The following CRACD variants were observed in gnomAD, a reference collection of about 807,000 sequenced individuals.
CRACD encodes capping protein-inhibiting regulator of actin dynamics.
In CRACD, 56 loss-of-function variants were observed where a neutral mutation model predicts 106.8. The observed-to-expected ratio is 0.52, with a 90% CI of 0.42 to 0.66. CRACD has a LOEUF of 0.66. Ranked by LOEUF, CRACD falls within the 30% of genes least tolerant of loss-of-function variation. The pLI, the probability that CRACD is intolerant of heterozygous loss-of-function variation, is 0.00. For missense variants in CRACD, 1,730 were observed against 1,623.2 expected (o/e 1.07, Z -1.13); for synonymous variants, 754 against 670.8 (o/e 1.12, Z -1.92).
chr4:56,324,444 A>G (rs1746302749), intron 10 of CRACD, among the ~76,000 whole-genome samples, 178 bp downstream of exon 10: 1 of 152,244 alleles, frequency 6.6e-6, no homozygotes, highest in South Asian at 2.1e-4. Flanking sequence ...AAAGACCACC[A>G]GGAGCTCACC....
chr4:56,054,299 G>T (rs1333042619), intron 1 of CRACD, among the ~76,000 whole-genome samples: 2 of 152,074 alleles, frequency 1.3e-5, no homozygotes, highest in Non-Finnish European at 2.9e-5. Context: ...TCCTAGCTCA[G>T]CCTCCTGAAT....
At chr4:56,261,556 G>C (rs1464969669) in intron 2 of CRACD, among the ~76,000 whole-genome samples, 2 of 151,884 alleles carry the variant, frequency 1.3e-5, no homozygotes, top group Non-Finnish European at 2.9e-5. Flanking sequence ...TACTATGTTG[G>C]CCAGGCTGGT....
chr4:56,094,423 T>A (rs1248446391), intron 1 of CRACD, among the ~76,000 whole-genome samples: 2 of 136,714 alleles, frequency 1.5e-5, no homozygotes, highest in Non-Finnish European at 3.0e-5. Context: ...TATAGATTCT[T>A]TTTTTTTTTT....
At chr4:56,120,730 C>T (rs1734456927) in intron 1 of CRACD, among the ~76,000 whole-genome samples, 1 of 152,180 alleles carries the variant, frequency 6.6e-6, no homozygotes, top group African/African-American at 2.4e-5. Flanking sequence ...CCCATAGTAA[C>T]TAGCAGAATG....
At chr4:56,171,278 G>A (rs1736352398) in intron 1 of CRACD, among the ~76,000 whole-genome samples, 2 of 149,898 alleles carry the variant, frequency 1.3e-5, no homozygotes, top group Non-Finnish European at 3.0e-5. Context: ...AAAAAAAAAA[G>A]AAAGACTATG....
intron 2 of CRACD, among the ~76,000 whole-genome samples, chr4:56,261,113 T>C (rs1002261187): frequency 6.6e-6 from 1 of 152,158 alleles, no homozygotes; most frequent in Non-Finnish European, 1.5e-5. Context: ...TGTAGGGGTA[T>C]CCTTTGCTGA....
At chr4:56,216,409 T>C (rs1000212797) in intron 2 of CRACD, 1 of 152,336 alleles carries the variant, frequency 6.6e-6, no homozygotes, top group East Asian at 1.9e-4. Context: ...TTAATTGTAA[T>C]TCATTCTGAG....
intron 3 of CRACD, among the ~76,000 whole-genome samples, chr4:56,291,397 T>TA (rs766182309): frequency 3.3e-5 from 5 of 152,176 alleles, no homozygotes; most frequent in African/African-American, 7.2e-5. Flanking sequence ...CCCAGATGGT[T>TA]AAGGACCATG....
At chr4:56,318,257 C>T (rs1396825453) in intron 8 of CRACD, among the ~76,000 whole-genome samples, 1 of 152,132 alleles carries the variant, frequency 6.6e-6, no homozygotes, top group Non-Finnish European at 1.5e-5. Flanking sequence ...TAAGCCTCCT[C>T]GTAGGTGGGA....
chr4:56,182,644 A>C (rs192377160), intron 2 of CRACD, among the ~76,000 whole-genome samples: 1 of 152,188 alleles, frequency 6.6e-6, no homozygotes, highest in East Asian at 1.9e-4. Flanking sequence ...TCCCTGTCCA[A>C]ATTGCTTAAC....
intron 2 of CRACD, among the ~76,000 whole-genome samples, chr4:56,249,144 C>T (rs200202875): frequency 0.089 from 13,097 of 147,580 alleles, 1,531 homozygotes; most frequent in East Asian, 0.54. Flanking sequence ...CCTGAGGAAT[C>T]GCCACACTGA....
chr4:56,201,765 TACCC>T (rs1427666619), intron 2 of CRACD, among the ~76,000 whole-genome samples: 72 of 152,326 alleles, frequency 4.7e-4, no homozygotes, highest in Non-Finnish European at 6.8e-4. Context: ...GGCAAGTGGA[TACCC>T]ATGAACTATG....
chr4:56,264,121 T>C (rs1379283365), intron 2 of CRACD, among the ~76,000 whole-genome samples: 1 of 152,098 alleles, frequency 6.6e-6, no homozygotes, highest in Non-Finnish European at 1.5e-5. Flanking sequence ...GGGAAAATGC[T>C]ACACACTTTT....
intron 5 of CRACD, among the ~76,000 whole-genome samples, chr4:56,308,342 T>C (rs568749746): frequency 8.8e-4 from 134 of 152,160 alleles, no homozygotes; most frequent in Non-Finnish European, 1.7e-3. Flanking sequence ...ACTTTGAGCA[T>C]ATCCTGAAAT....
intron 1 of CRACD, among the ~76,000 whole-genome samples, chr4:56,064,319 A>G (rs1006670394): frequency 6.6e-6 from 1 of 152,188 alleles, no homozygotes; most frequent in South Asian, 2.1e-4. Context: ...TAGTGTTCAC[A>G]TGTTTTCTTA....
chr4:56,264,353 A>G (rs889437147), intron 2 of CRACD, among the ~76,000 whole-genome samples: 2 of 152,138 alleles, frequency 1.3e-5, no homozygotes, highest in Non-Finnish European at 2.9e-5. Context: ...ATAATCCTTA[A>G]AAAAAAGAGA....
intron 2 of CRACD, among the ~76,000 whole-genome samples, chr4:56,252,985 C>G (rs757827796): frequency 1.3e-5 from 2 of 152,204 alleles, no homozygotes; most frequent in Non-Finnish European, 2.9e-5. Flanking sequence ...ATGTTAGTCA[C>G]TCTTCTCAGA....
chr4:56,051,131 T>C (rs1289335618), intron 1 of CRACD, among the ~76,000 whole-genome samples: 4 of 152,224 alleles, frequency 2.6e-5, no homozygotes. Context: ...GACAATCTTT[T>C]AGTCTTTTTT....
At chr4:56,086,710 C>A (rs545723397) in intron 1 of CRACD, among the ~76,000 whole-genome samples, 2 of 152,108 alleles carry the variant, frequency 1.3e-5, no homozygotes, top group Non-Finnish European at 2.9e-5. Flanking sequence ...TTCCCGGCAC[C>A]GCCCAGTGAG....
Sources: gnomAD v4.1 joint callset for allele counts (sites outside exome capture counted in the v4.1 genomes callset) on GRCh38, gnomAD v4.1.1 for gene constraint, MANE v1.5 for transcripts, NCBI Gene and HGNC (gene_info 2026-07-23, HGNC 2026-07-21) for gene names.